The following NREP variants were observed in gnomAD, a reference collection of about 807,000 sequenced individuals.
The protein encoded by NREP is neuronal regeneration related protein.
Under a neutral mutation model 8.6 loss-of-function variants are expected in NREP, and 5 were observed. That is an observed-to-expected ratio of 0.58 (90% CI 0.30 to 1.22). The LOEUF is 1.22. Among genes scored for constraint, NREP ranks in the 50% most tolerant of loss-of-function variants. NREP has a pLI of 0.07. For synonymous variants in NREP, 27 were observed against 28.0 expected (o/e 0.96, Z 0.11); for missense variants, 86 against 82.5 (o/e 1.04, Z -0.17).
intron 2 of NREP, among the ~76,000 whole-genome samples, chr5:111,894,542 C>G (rs1022654217): frequency 2.0e-5 from 3 of 151,704 alleles, no homozygotes; most frequent in Non-Finnish European, 4.4e-5. Flanking sequence ...TTTGATCTCT[C>G]GAGTCAAACC....
At chr5:111,886,888 G>C (rs193143131) in intron 2 of NREP, among the ~76,000 whole-genome samples, 4 of 151,696 alleles carry the variant, frequency 2.6e-5, no homozygotes, top group Admixed American at 6.6e-5. Context: ...CGAGTTAATG[G>C]GTGCAGCACA....
chr5:111,954,423 A>G (rs1323602652), intron 2 of NREP, among the ~76,000 whole-genome samples: 1 of 152,156 alleles, frequency 6.6e-6, no homozygotes, highest in Non-Finnish European at 1.5e-5. Context: ...CAATGTTATC[A>G]TTGGTTTTAC....
At chr5:111,908,308 G>T (rs1372472828) in intron 2 of NREP, among the ~76,000 whole-genome samples, 1 of 151,788 alleles carries the variant, frequency 6.6e-6, no homozygotes, top group African/African-American at 2.4e-5. Flanking sequence ...TTTGATTCAG[G>T]GGGTATATGT....
intron 2 of NREP, among the ~76,000 whole-genome samples, chr5:111,771,778 A>G (rs953032602): frequency 6.6e-6 from 1 of 151,696 alleles, no homozygotes; most frequent in South Asian, 2.1e-4. Flanking sequence ...AAAAAAAAAA[A>G]CAAAAAAATC....
chr5:111,931,405 A>ACCTAAGGC (rs1371504490), intron 2 of NREP, among the ~76,000 whole-genome samples: 2 of 152,010 alleles, frequency 1.3e-5, no homozygotes, highest in African/African-American at 4.8e-5. Context: ...CACCCAAACA[A>ACCTAAGGC]CCTAAGGCGA....
upstream of NREP, chr5:111,757,920 C>T (rs909142089): frequency 2.0e-6 from 2 of 985,396 alleles, no homozygotes; most frequent in African/African-American, 1.7e-5. Flanking sequence ...GGAGAGGCGG[C>T]GCGGCCCGTA....
intron 2 of NREP, among the ~76,000 whole-genome samples, chr5:111,736,843 A>G (rs577065678): frequency 6.6e-6 from 1 of 152,320 alleles, no homozygotes; most frequent in South Asian, 2.1e-4. Flanking sequence ...ACTTGCCCCA[A>G]GTCACACAGG....
chr5:111,968,430 C>A (rs1212795164), intron 2 of NREP, among the ~76,000 whole-genome samples: 1 of 152,066 alleles, frequency 6.6e-6, no homozygotes, highest in Non-Finnish European at 1.5e-5. Context: ...GAAAAATGAG[C>A]ACTGTTTTAA....
intron 2 of NREP, among the ~76,000 whole-genome samples, chr5:111,894,356 GA>G (rs924783693): frequency 2.9e-4 from 44 of 151,914 alleles, no homozygotes; most frequent in Admixed American, 9.2e-4. Context: ...TGTTTTAAGG[GA>G]AAAAAACTGG....
chr5:111,847,178 T>C (rs1341485560), intron 2 of NREP, among the ~76,000 whole-genome samples: 1 of 152,132 alleles, frequency 6.6e-6, no homozygotes, highest in Non-Finnish European at 1.5e-5. Flanking sequence ...GACTGGGTTG[T>C]TTAAACAGCA....
At chr5:111,876,707 C>T (rs1753918574) in intron 2 of NREP, among the ~76,000 whole-genome samples, 1 of 152,224 alleles carries the variant, frequency 6.6e-6, no homozygotes, top group Non-Finnish European at 1.5e-5. Flanking sequence ...TTTGACTATG[C>T]ATATCCATAA....
intron 2 of NREP, among the ~76,000 whole-genome samples, chr5:111,783,556 G>T (rs1751542817): frequency 6.6e-6 from 1 of 152,170 alleles, no homozygotes; most frequent in Non-Finnish European, 1.5e-5. Context: ...ATTTAAGCAT[G>T]ATATCAACTG....
chr5:111,864,992 G>C (rs1581173407), intron 2 of NREP, among the ~76,000 whole-genome samples: 1 of 151,934 alleles, frequency 6.6e-6, no homozygotes, highest in South Asian at 2.1e-4. Flanking sequence ...AACTTTTTTT[G>C]TGTGAAATTC....
intron 2 of NREP, among the ~76,000 whole-genome samples, chr5:111,813,431 A>C (rs1196913759): frequency 6.6e-6 from 1 of 152,196 alleles, no homozygotes; most frequent in Non-Finnish European, 1.5e-5. Context: ...ATGCATATAA[A>C]GGTGATGACT....
intron 2 of NREP, among the ~76,000 whole-genome samples, chr5:111,891,759 C>A (rs1306525172): frequency 1.3e-5 from 2 of 152,098 alleles, no homozygotes; most frequent in Admixed American, 1.3e-4. Context: ...AGAGGTGCCA[C>A]ATTCTTTTAA....
intron 2 of NREP, among the ~76,000 whole-genome samples, chr5:111,876,020 T>C (rs1241291726): frequency 1.3e-5 from 2 of 152,184 alleles, no homozygotes; most frequent in African/African-American, 4.8e-5. Context: ...AGTTGTGCCA[T>C]TTGCCTAGGG....
intron 2 of NREP, among the ~76,000 whole-genome samples, chr5:111,743,327 T>A (rs3797727): frequency 0.12 from 18,210 of 151,908 alleles, 1,165 homozygotes; most frequent in East Asian, 0.25. Context: ...ATTTAAGCAC[T>A]GCATAAGCTT....
intron 2 of NREP, among the ~76,000 whole-genome samples, chr5:111,806,885 G>T (rs879717921): frequency 6.6e-6 from 1 of 151,990 alleles, no homozygotes; most frequent in Non-Finnish European, 1.5e-5. Context: ...CCTGGTATGG[G>T]CATTAGACTC....
intron 2 of NREP, among the ~76,000 whole-genome samples, chr5:111,902,662 A>G (rs1754674202): frequency 1.3e-5 from 2 of 152,188 alleles, no homozygotes; most frequent in Admixed American, 1.3e-4. Flanking sequence ...CGATGATAAC[A>G]TCTTATTACA....
Sources: gnomAD v4.1 joint callset for allele counts (sites outside exome capture counted in the v4.1 genomes callset) on GRCh38, gnomAD v4.1.1 for gene constraint, MANE v1.5 for transcripts, NCBI Gene and HGNC (gene_info 2026-07-23, HGNC 2026-07-21) for gene names.